Variants in VRK2 observed in about 807,000 individuals in gnomAD.
VRK2 encodes the protein VRK serine/threonine kinase 2.
VRK2 carries 60 observed loss-of-function variants against 57.6 expected under a neutral mutation model. That is an observed-to-expected ratio of 1.04 (90% CI 0.85 to 1.29). The LOEUF is 1.29. Among genes scored for constraint, VRK2 ranks in the 50% most tolerant of loss-of-function variants. The pLI is 0.00. For synonymous variants in VRK2, 231 were observed against 199.2 expected, an observed-to-expected ratio of 1.16 and a Z score of -1.35; for missense variants, 705 against 588.1, an observed-to-expected ratio of 1.20 and a Z score of -2.06.
At chr2:58,105,334 A>G (rs1006962853) in intron 7 of VRK2, among the ~76,000 whole-genome samples, 8 of 151,938 alleles carry the variant, frequency 5.3e-5, no homozygotes, top group Admixed American at 1.3e-4. Context: ...TCCAGAATCT[A>G]TAAGGAACTT....
At chr2:58,014,494 T>C (rs930691712) in intron 1 of VRK2, among the ~76,000 whole-genome samples, 14 of 152,224 alleles carry the variant, frequency 9.2e-5, no homozygotes, top group Non-Finnish European at 1.6e-4. Context: ...TCTTACCAGT[T>C]AAAACCAGGT....
chr2:58,070,911 T>G (rs1156538069), intron 2 of VRK2, among the ~76,000 whole-genome samples: 1 of 152,180 alleles, frequency 6.6e-6, no homozygotes. Flanking sequence ...GTGGCTGTAC[T>G]ATTTTATATT....
At chr2:58,083,601 C>G (rs1306310008) in intron 2 of VRK2, among the ~76,000 whole-genome samples, 1 of 151,720 alleles carries the variant, frequency 6.6e-6, no homozygotes, top group South Asian at 2.1e-4. Context: ...AGAATTTTGT[C>G]AAGTATAAAT....
intron 1 of VRK2, among the ~76,000 whole-genome samples, chr2:58,010,432 A>G (rs1423204996): frequency 3.3e-5 from 5 of 151,956 alleles, no homozygotes; most frequent in Non-Finnish European, 5.9e-5. Flanking sequence ...GTTCTTATTT[A>G]CTGCCAATTT....
intron 7 of VRK2, among the ~76,000 whole-genome samples, chr2:58,093,041 A>G (rs1094077): frequency 9.3e-4 from 141 of 152,180 alleles, no homozygotes; most frequent in Middle Eastern, 3.4e-3. Flanking sequence ...TATGTGCCAC[A>G]TTTTCTTAAT....
chr2:58,032,762 C>T (rs1674155274), intron 2 of VRK2, among the ~76,000 whole-genome samples: 1 of 152,118 alleles, frequency 6.6e-6, no homozygotes, highest in Admixed American at 6.5e-5. Context: ...ACAGGACTGG[C>T]TGCTTTTTGC....
intron 2 of VRK2, among the ~76,000 whole-genome samples, chr2:58,063,423 G>T (rs572798883): frequency 6.6e-6 from 1 of 151,864 alleles, no homozygotes; most frequent in African/African-American, 2.4e-5. Context: ...TTGTACTTGG[G>T]TAATGGGCAC....
chr2:58,083,965 G>C, intron 2 of VRK2, 124 bp from the exon 3 acceptor site: 1 of 983,418 alleles, frequency 1.0e-6, no homozygotes, highest in Non-Finnish European at 1.5e-6. Flanking sequence ...TACCATAAAA[G>C]GTTGTTGGGA....
chr2:57,968,341 A>G (rs1384767430), intron 1 of VRK2, among the ~76,000 whole-genome samples: 2 of 152,130 alleles, frequency 1.3e-5, no homozygotes, highest in African/African-American at 4.8e-5. Flanking sequence ...TGCAGAAAAA[A>G]GCATCTCTCT....
At chr2:57,962,605 T>C (rs746782781) in intron 1 of VRK2, among the ~76,000 whole-genome samples, 5 of 152,162 alleles carry the variant, frequency 3.3e-5, no homozygotes, top group Non-Finnish European at 5.9e-5. Context: ...CCTGTGTCTC[T>C]TGTTTCCTTC....
At chr2:58,099,642 A>G (rs1573093613) in intron 7 of VRK2, among the ~76,000 whole-genome samples, 1 of 152,078 alleles carries the variant, frequency 6.6e-6, no homozygotes, top group Non-Finnish European at 1.5e-5. Flanking sequence ...TAGGTCAAAG[A>G]GGATGGCCCT....
At chr2:57,923,012 G>A (rs1379275111) in intron 1 of VRK2, among the ~76,000 whole-genome samples, 1 of 151,338 alleles carries the variant, frequency 6.6e-6, no homozygotes, top group African/African-American at 2.4e-5. Context: ...TTAACTTAAT[G>A]TCCTCCAGTT....
chr2:57,945,903 T>C (rs1671248307), intron 1 of VRK2, among the ~76,000 whole-genome samples: 1 of 152,202 alleles, frequency 6.6e-6, no homozygotes, highest in Admixed American at 6.5e-5. Flanking sequence ...GTGATACAAG[T>C]TATTATAATG....
At chr2:58,090,709 A>G (rs1672258695) in intron 7 of VRK2, among the ~76,000 whole-genome samples, 2 of 152,162 alleles carry the variant, frequency 1.3e-5, no homozygotes, top group African/African-American at 4.8e-5. Context: ...GCTCATTAGT[A>G]TTTACCCAAA....
intron 1 of VRK2, among the ~76,000 whole-genome samples, chr2:57,955,900 C>A (rs1409174749): frequency 1.3e-5 from 2 of 151,870 alleles, no homozygotes; most frequent in Non-Finnish European, 2.9e-5. Flanking sequence ...AGTTTTTCAC[C>A]ATTGGGAAGA....
At chr2:58,123,470 T>G (rs1320505180) in intron 8 of VRK2, among the ~76,000 whole-genome samples, 1 of 152,188 alleles carries the variant, frequency 6.6e-6, no homozygotes, top group Non-Finnish European at 1.5e-5. Flanking sequence ...TAAGCAAAAC[T>G]TGCTGCTCAT....
chr2:58,069,397 T>C (rs1669081009), intron 2 of VRK2, among the ~76,000 whole-genome samples: 1 of 152,166 alleles, frequency 6.6e-6, no homozygotes, highest in Non-Finnish European at 1.5e-5. Context: ...CAGGAGTTTA[T>C]AAACAACTTG....
chr2:57,947,503 A>G (rs1031259201), intron 1 of VRK2, among the ~76,000 whole-genome samples: 1 of 152,192 alleles, frequency 6.6e-6, no homozygotes, highest in Non-Finnish European at 1.5e-5. Context: ...AGCTTGACAC[A>G]TGGCAGACCA....
chr2:58,149,496 A>C (rs1387733151), intron 12 of VRK2, among the ~76,000 whole-genome samples: 2 of 151,516 alleles, frequency 1.3e-5, no homozygotes, highest in African/African-American at 4.8e-5. Context: ...AGACAGTTTT[A>C]CCTCTTCCTT....
Sources: gnomAD v4.1 joint callset for allele counts (sites outside exome capture counted in the v4.1 genomes callset) on GRCh38, gnomAD v4.1.1 for gene constraint, MANE v1.5 for transcripts, NCBI Gene and HGNC (gene_info 2026-07-23, HGNC 2026-07-21) for gene names.